CELF2: variants seen among roughly 807,000 people sequenced by gnomAD.
CELF2 encodes CUGBP Elav-like family member 2.
A neutral mutation model predicts 62.6 loss-of-function variants in CELF2; 8 were observed. The observed-to-expected ratio is 0.13, with a 90% CI of 0.07 to 0.23. CELF2 has a LOEUF of 0.23. CELF2 is among the 10% of genes least tolerant of loss of function. CELF2 has a pLI of 1.00. For missense variants in CELF2, 333 were observed against 671.0 expected, an observed-to-expected ratio of 0.50 and a Z score of 5.56; for synonymous variants, 258 against 250.0, an observed-to-expected ratio of 1.03 and a Z score of -0.30.
chr10:10,490,600 G>A, the CELF2 span, among the ~76,000 whole-genome samples: 1 of 151,824 alleles, frequency 6.6e-6, no homozygotes, highest in Admixed American at 6.6e-5. Flanking sequence ...ACAATAGGCT[G>A]GAAATTATTC....
intron 2 of CELF2, among the ~76,000 whole-genome samples, chr10:11,204,037 A>T (rs1224312308): frequency 6.6e-6 from 1 of 152,224 alleles, no homozygotes; most frequent in East Asian, 1.9e-4. Flanking sequence ...GTTTGCCCAC[A>T]TCAGCCCCGT....
At chr10:11,194,252 G>A (rs1317649824) in intron 2 of CELF2, among the ~76,000 whole-genome samples, 2 of 152,048 alleles carry the variant, frequency 1.3e-5, no homozygotes, top group African/African-American at 4.8e-5. Flanking sequence ...TTTTAGTAGA[G>A]ACGGGGTTTC....
exon 1 of CELF2, chr10:10,798,697 C>A (rs775070898): frequency 1.5e-5 from 6 of 398,614 alleles, no homozygotes; most frequent in Non-Finnish European, 2.2e-5. Flanking sequence ...CAGAATCCTC[C>A]GTCTGTTCCC....
chr10:10,952,971 G>A (rs1050548789), intron 2 of CELF2, among the ~76,000 whole-genome samples: 1 of 152,184 alleles, frequency 6.6e-6, no homozygotes, highest in East Asian at 1.9e-4. Context: ...CTACAGAACA[G>A]ATTGGTGAGT....
At chr10:10,975,069 C>T (rs968242776) in intron 2 of CELF2, among the ~76,000 whole-genome samples, 7 of 152,146 alleles carry the variant, frequency 4.6e-5, no homozygotes, top group Non-Finnish European at 8.8e-5. Context: ...TTTGGATAGT[C>T]CTGGTGTCAA....
At chr10:10,558,176 A>G in the CELF2 span, among the ~76,000 whole-genome samples, 2 of 152,216 alleles carry the variant, frequency 1.3e-5, no homozygotes, top group African/African-American at 4.8e-5. Flanking sequence ...TGGGTTTGTC[A>G]TAGATAGCTC....
chr10:10,529,727 A>G, the CELF2 span, among the ~76,000 whole-genome samples: 1 of 151,212 alleles, frequency 6.6e-6, no homozygotes, highest in Non-Finnish European at 1.5e-5. Context: ...AGTGTGAAGC[A>G]ATCTTAAAGA....
chr10:10,600,941 G>C, the CELF2 span, among the ~76,000 whole-genome samples: 1 of 152,190 alleles, frequency 6.6e-6, no homozygotes, highest in Non-Finnish European at 1.5e-5. Flanking sequence ...ATGCCACATA[G>C]CCAGCAGGGG....
chr10:10,779,455 C>T, the CELF2 span, among the ~76,000 whole-genome samples: 2 of 152,152 alleles, frequency 1.3e-5, no homozygotes, highest in Non-Finnish European at 2.9e-5. Context: ...CTTGACAAAC[C>T]TTCCTGATTC....
chr10:10,988,984 A>G (rs2053137084), intron 2 of CELF2, among the ~76,000 whole-genome samples: 1 of 152,180 alleles, frequency 6.6e-6, no homozygotes, highest in Admixed American at 6.5e-5. Flanking sequence ...TGAATTTAAG[A>G]TCTGTATGAA....
the CELF2 span, among the ~76,000 whole-genome samples, chr10:10,693,188 A>G: frequency 9.0e-4 from 87 of 96,312 alleles, no homozygotes; most frequent in African/African-American, 2.0e-3. Flanking sequence ...CGTCCCATCA[A>G]TACCTAATTT....
chr10:11,091,663 T>TC (rs2048355603), intron 1 of CELF2, among the ~76,000 whole-genome samples: 1 of 152,208 alleles, frequency 6.6e-6, no homozygotes, highest in Admixed American at 6.5e-5. Flanking sequence ...CGAATTTTTT[T>TC]CCCCTACCAG....
At chr10:10,563,994 T>C in the CELF2 span, among the ~76,000 whole-genome samples, 2 of 152,230 alleles carry the variant, frequency 1.3e-5, no homozygotes, top group African/African-American at 4.8e-5. Context: ...CTTGATGCTA[T>C]GCATCTTCGG....
the CELF2 span, among the ~76,000 whole-genome samples, chr10:10,743,845 T>C: frequency 1.3e-5 from 2 of 152,042 alleles, no homozygotes; most frequent in Middle Eastern, 3.2e-3. Flanking sequence ...AAATCCAAAA[T>C]CCAAAAATAG....
chr10:10,855,493 A>G (rs952755214), intron 1 of CELF2, among the ~76,000 whole-genome samples: 1 of 152,256 alleles, frequency 6.6e-6, no homozygotes. Flanking sequence ...AGCAGAGCAT[A>G]GACAGATTTA....
intron 9 of CELF2, among the ~76,000 whole-genome samples, chr10:11,299,031 C>T (rs1290397337): frequency 1.3e-5 from 2 of 152,234 alleles, no homozygotes; most frequent in African/African-American, 4.8e-5. Context: ...TTCCTCACTC[C>T]TTTCTGCTTT....
At chr10:10,579,059 C>CA in the CELF2 span, among the ~76,000 whole-genome samples, 1 of 150,742 alleles carries the variant, frequency 6.6e-6, no homozygotes, top group Non-Finnish European at 1.5e-5. Flanking sequence ...TGTTTAGTAA[C>CA]AAAACATGTT....
chr10:10,775,358 C>A, the CELF2 span, among the ~76,000 whole-genome samples: 1 of 151,938 alleles, frequency 6.6e-6, no homozygotes, highest in Non-Finnish European at 1.5e-5. Flanking sequence ...AGGCCAGGTG[C>A]GGTGGCTCAC....
intron 1 of CELF2, among the ~76,000 whole-genome samples, chr10:10,866,291 G>C (rs1348095154): frequency 6.6e-6 from 1 of 151,644 alleles, no homozygotes; most frequent in African/African-American, 2.4e-5. Flanking sequence ...GTAGGGAAAG[G>C]GGAGCTGTGA....
Sources: gnomAD v4.1 joint callset for allele counts (sites outside exome capture counted in the v4.1 genomes callset) on GRCh38, gnomAD v4.1.1 for gene constraint, MANE v1.5 for transcripts, NCBI Gene and HGNC (gene_info 2026-07-23, HGNC 2026-07-21) for gene names.